SBNO2: variants seen among roughly 807,000 people sequenced by gnomAD.
The protein encoded by SBNO2 is strawberry notch homolog 2.
A neutral mutation model predicts 146.3 loss-of-function variants in SBNO2; 89 were observed. That is an observed-to-expected ratio of 0.61 (90% CI 0.51 to 0.73). SBNO2 has a LOEUF of 0.73. SBNO2 is among the 30% of genes least tolerant of loss of function. The pLI is 0.00. For synonymous variants in SBNO2, 1,147 were observed against 892.6 expected (o/e 1.29, Z -5.08); for missense variants, 2,092 against 2,003.7 (o/e 1.04, Z -0.84).
intron 4 of SBNO2, among the ~76,000 whole-genome samples, chr19:1,139,670 C>G (rs946563895): frequency 4.6e-5 from 7 of 152,150 alleles, no homozygotes; most frequent in African/African-American, 1.7e-4. Context: ...TGGCGCACAC[C>G]TGTAATCCCA....
At chr19:1,122,420 G>A in intron 10 of SBNO2, 48 bp downstream of exon 10, 1 of 1,536,578 alleles carries the variant, frequency 6.5e-7, no homozygotes, top group Non-Finnish European at 8.8e-7. Flanking sequence ...CCACTTTGCA[G>A]GGCACGGTCC....
intron 4 of SBNO2, among the ~76,000 whole-genome samples, chr19:1,131,240 C>T (rs2080024775): frequency 6.6e-6 from 1 of 152,200 alleles, no homozygotes; most frequent in Non-Finnish European, 1.5e-5. Flanking sequence ...CCCAGTGCCT[C>T]CCCAGGGAAC....
rs1044684982 is a variant in SBNO2, at chr19:1,158,326, A to G, written c.-126-3924T>C. Among the ~76,000 whole-genome samples the G allele has an allele frequency of 3.9e-5, 6 of 152,090 alleles. No homozygotes were observed. Among genetic ancestry groups the G allele is most frequent in the African/African-American group, 9.7e-5 (4 of 41,412 alleles). Reference sequence around the variant, plus strand: ...TTCTCCTGCCGTCCTCTCGCCGAGCAGGGTTGTGACCCCCGCACTTTCGGA... The same window carrying G: ...TTCTCCTGCCGTCCTCTCGCCGAGCGGGGTTGTGACCCCCGCACTTTCGGA... On this transcript the variant is annotated intron_variant, in intron 1 of 31. Coordinates refer to ENST00000361757, the MANE Select transcript of SBNO2 (RefSeq NM_014963.3). This position sits in a 1 kb window ranked among gnomAD's most constrained non-coding sequence, Gnocchi z 9.9.
chr19:1,170,761 C>G (rs371038151), intron 1 of SBNO2, among the ~76,000 whole-genome samples: 1 of 152,020 alleles, frequency 6.6e-6, no homozygotes, highest in Non-Finnish European at 1.5e-5. Flanking sequence ...ACGTGCATAA[C>G]GGACACAGGT....
Position 1,113,484 on chromosome 19 carries a change from C to T in SBNO2, c.2247+51G>A. 2 of 1,457,660 alleles carry T rather than the reference C, an allele frequency of 1.4e-6. 1 individual carries two copies. Among genetic ancestry groups the T allele is most frequent in the South Asian group, 2.4e-5 (2 of 82,616 alleles). 90.3% of individuals were successfully genotyped at this position (1,457,660 alleles called of 1,614,324 possible). ...TGCACACAGCCTGCGTGAAGCCCCA[C>T]CCACTGCCCATGCCCCGCCCACCAC... is the stretch of plus-strand genomic sequence containing the variant. On this transcript the variant is annotated intron_variant, in intron 19 of 31. Coordinates refer to ENST00000361757, the MANE Select transcript of SBNO2 (RefSeq NM_014963.3).
Position 1,131,406 on chromosome 19 carries a change from C to A in SBNO2, c.280-3641G>T, listed in dbSNP as rs555063034. 8.5e-5 allele frequency among the ~76,000 whole-genome samples: 13 copies of A among 152,240 alleles called. 1 individual carries two copies. In the South Asian group the frequency reaches 2.7e-3, roughly 32 times the overall value. On this transcript the variant is annotated intron_variant, in intron 4 of 31. Coordinates refer to ENST00000361757, the MANE Select transcript of SBNO2 (RefSeq NM_014963.3). ...TCTGTAGCATTTCAGGAGCCCTGGGCTGAGGTGGGGAGCTGGGAGGACCTG... is the reference window on the plus strand; with the variant it reads ...TCTGTAGCATTTCAGGAGCCCTGGGATGAGGTGGGGAGCTGGGAGGACCTG...
chr19:1,171,512 G>A (rs1376757743), intron 1 of SBNO2, among the ~76,000 whole-genome samples: 1 of 152,094 alleles, frequency 6.6e-6, no homozygotes, highest in Non-Finnish European at 1.5e-5. Context: ...ACATGATACC[G>A]CCCCCTTCCC....
chr19:1,120,658 G>A (rs1410778718), intron 11 of SBNO2, among the ~76,000 whole-genome samples: 2 of 150,820 alleles, frequency 1.3e-5, no homozygotes, highest in Non-Finnish European at 3.0e-5. Context: ...GGTGTGAGCC[G>A]TGCCCAGCCC....
At chr19:1,171,207 A>C (rs2080474124) in intron 1 of SBNO2, among the ~76,000 whole-genome samples, 1 of 152,112 alleles carries the variant, frequency 6.6e-6, no homozygotes, top group Non-Finnish European at 1.5e-5. Context: ...GCACACAGCC[A>C]CAGGCACGCA....
At chr19:1,145,715 C>T (rs747168440) in intron 4 of SBNO2, among the ~76,000 whole-genome samples, 12 of 152,146 alleles carry the variant, frequency 7.9e-5, no homozygotes, top group Non-Finnish European at 1.2e-4. Flanking sequence ...GCCTCCCCTG[C>T]CTCAGTTTCC....
At chr19:1,117,065 C>T (rs2079841388) in intron 15 of SBNO2, 139 bp from the exon 16 acceptor site, 2 of 848,544 alleles carry the variant, frequency 2.4e-6, no homozygotes, top group Non-Finnish European at 3.6e-6. Flanking sequence ...CCACGGCCCC[C>T]CTACAACACA....
intron 13 of SBNO2, 26 bp downstream of exon 13, chr19:1,119,490 T>G: frequency 7.1e-4 from 562 of 790,608 alleles, no homozygotes; most frequent in Non-Finnish European, 1.0e-3. Context: ...CCGCCGCCCC[T>G]CCACGTGGGT....
intron 11 of SBNO2, among the ~76,000 whole-genome samples, chr19:1,121,176 A>G (rs1440258857): frequency 6.6e-6 from 1 of 152,250 alleles, no homozygotes; most frequent in African/African-American, 2.4e-5. Context: ...AGCGTGAGCC[A>G]CTGCACCCGG....
intron 4 of SBNO2, among the ~76,000 whole-genome samples, chr19:1,133,113 T>C (rs2080049864): frequency 6.6e-6 from 1 of 151,572 alleles, no homozygotes; most frequent in Non-Finnish European, 1.5e-5. Context: ...TTGGAGGAGC[T>C]GGGGAGGCCC....
chr19:1,156,136 C>T (rs993455553), intron 1 of SBNO2, among the ~76,000 whole-genome samples: 14 of 152,128 alleles, frequency 9.2e-5, no homozygotes, highest in Non-Finnish European at 1.9e-4. Context: ...GCAGCAGGGG[C>T]CCTGAGCTCG....
At chr19:1,165,581 C>T (rs1428789598) in intron 1 of SBNO2, among the ~76,000 whole-genome samples, 1 of 151,816 alleles carries the variant, frequency 6.6e-6, no homozygotes, top group Admixed American at 6.6e-5. Flanking sequence ...GAACCAGACC[C>T]CAGATCCCAG....
intron 24 of SBNO2, 99 bp from the exon 25 acceptor site, chr19:1,111,192 T>TG: frequency 7.3e-7 from 1 of 1,361,612 alleles, no homozygotes; most frequent in Non-Finnish European, 9.9e-7. Flanking sequence ...CCTGGGGGGC[T>TG]GGGGAGCAGC....
intron 4 of SBNO2, among the ~76,000 whole-genome samples, chr19:1,131,321 C>A (rs557408033): frequency 6.6e-6 from 1 of 152,200 alleles, no homozygotes; most frequent in Non-Finnish European, 1.5e-5. Context: ...CATCCCTCCC[C>A]GCCAGCCCCC....
intron 4 of SBNO2, among the ~76,000 whole-genome samples, chr19:1,131,217 TCAGCTCAGCGGAC>T (rs1281431376): frequency 6.6e-6 from 1 of 151,968 alleles, no homozygotes; most frequent in Non-Finnish European, 1.5e-5. Context: ...CCCTCCAGCC[TCAGCTCAGCGGAC>T]CCAGTGCCTC....
Sources: gnomAD v4.1 joint callset for allele counts (sites outside exome capture counted in the v4.1 genomes callset) on GRCh38, gnomAD v4.1.1 for gene constraint, Gnocchi (gnomAD v3.1) non-coding constraint, MANE v1.5 for transcripts, NCBI Gene and HGNC (gene_info 2026-07-23, HGNC 2026-07-21) for gene names.